DSG3: variants seen among roughly 807,000 people sequenced by gnomAD.
DSG3 encodes desmoglein 3.
DSG3 carries 63 observed loss-of-function variants against 85.9 expected under a neutral mutation model. The observed-to-expected ratio is 0.73, with a 90% CI of 0.60 to 0.90. The LOEUF (loss-of-function observed/expected upper bound fraction) is 0.90. Among genes scored for constraint, DSG3 ranks in the 40% least tolerant of loss-of-function variants. The pLI is 0.00. For missense variants in DSG3, 1,220 were observed against 1,219.9 expected (o/e 1.00, Z 0.00); for synonymous variants, 447 against 441.9 (o/e 1.01, Z -0.14).
At position 31,476,416 on chromosome 18, in the gene DSG3, C is replaced by A; in HGVS notation, c.*156C>A. On this transcript the variant is annotated 3_prime_UTR_variant, in exon 16 of 16. Transcript: ENST00000257189. ...CGATTATAAATTAAATGTTTGGGTT[C>A]ATACCCCAAAAGCAATATGTTGTCA... 1.2e-6 allele frequency: 1 copy of A among 824,626 alleles called. No homozygotes were observed. Among genetic ancestry groups the A allele is most frequent in the Non-Finnish European group, 1.8e-6 (1 of 563,016 alleles). 51.1% of individuals were successfully genotyped at this position (824,626 alleles called of 1,614,324 possible).
intron 1 of DSG3, among the ~76,000 whole-genome samples, 169 bp downstream of exon 1, chr18:31,448,094 T>TTTCG (rs141268501): frequency 6.6e-6 from 1 of 151,864 alleles, no homozygotes; most frequent in Non-Finnish European, 1.5e-5. Context: ...TTTTGTTGTT[T>TTTCG]TTTATGTTGT....
chr18:31,461,224 C>T lies in DSG3; in HGVS notation c.814-3C>T. ...TCTTTAATTCTGCTTCTCGCCTTTT[C>T]AGTATTCAGCACGTATTGAAGAAAA... On this transcript the variant is annotated splice_region_variant and splice_polypyrimidine_tract_variant and intron_variant, in intron 7 of 15. Transcript: ENST00000257189. 6.2e-7 allele frequency: 1 copy of T among 1,606,980 alleles called. No individual in the cohort carries two copies. Among genetic ancestry groups the T allele is most frequent in the Non-Finnish European group, 8.5e-7 (1 of 1,176,976 alleles).
intron 14 of DSG3, among the ~76,000 whole-genome samples, chr18:31,473,693 A>G (rs2072868954): frequency 6.6e-6 from 1 of 152,226 alleles, no homozygotes; most frequent in African/African-American, 2.4e-5. Flanking sequence ...CTCTTTAGGT[A>G]CCAAGACATG....
At chr18:31,464,902 C>G (rs541473341) in intron 9 of DSG3, among the ~76,000 whole-genome samples, 2 of 151,960 alleles carry the variant, frequency 1.3e-5, no homozygotes, top group Non-Finnish European at 2.9e-5. Flanking sequence ...TTTGGGAGGC[C>G]GAGGCAGATG....
At chr18:31,458,412 T>C (rs1178963202) in intron 3 of DSG3, 33 bp from the exon 4 acceptor site, 15 of 1,603,394 alleles carry the variant, frequency 9.4e-6, no homozygotes, top group Non-Finnish European at 1.3e-5. Context: ...TGAGTGATGG[T>C]CACCTCAACG....
In DSG3 at chr18:31,477,293, G is replaced by A. The variant is rs899358129; in HGVS notation, c.*1033G>A. On this transcript the variant is annotated 3_prime_UTR_variant, in exon 16 of 16. Coordinates refer to ENST00000257189, the MANE Select transcript of DSG3 (RefSeq NM_001944.3). Reference sequence around the variant, plus strand: ...TTTTACACTGAGCTCCTTCCTACACGTCTCAGTAACAGATCCTGTGTTAGT... The same window carrying A: ...TTTTACACTGAGCTCCTTCCTACACATCTCAGTAACAGATCCTGTGTTAGT... 2.6e-4 allele frequency: 39 copies of A among 152,264 alleles called. No individual in the cohort carries two copies. Among genetic ancestry groups the A allele is most frequent in the African/African-American group, 7.7e-4 (32 of 41,554 alleles). The allele number at this position is 152,264 out of a possible 1,614,324, so 9.4% of individuals were successfully genotyped here.
At chr18:31,457,967 T>C (rs186213351) in intron 3 of DSG3, among the ~76,000 whole-genome samples, 100 of 152,250 alleles carry the variant, frequency 6.6e-4, no homozygotes, top group Admixed American at 1.4e-3. Context: ...TTCACATTTT[T>C]CATGTTAAAA....
intron 2 of DSG3, 67 bp from the exon 3 acceptor site, chr18:31,456,926 G>A (rs2072745751): frequency 2.0e-6 from 3 of 1,533,946 alleles, no homozygotes; most frequent in Non-Finnish European, 2.6e-6. Context: ...CTAGGTGTCT[G>A]TAATCAATAT....
intron 15 of DSG3, 33 bp downstream of exon 15, chr18:31,474,437 T>C (rs1335520550): frequency 6.4e-7 from 1 of 1,571,104 alleles, no homozygotes; most frequent in South Asian, 1.2e-5. Context: ...GGCTTGATTA[T>C]CTTATTTACA....
At position 31,475,765 on chromosome 18, in the gene DSG3, T is replaced by C; in HGVS notation, c.2505T>C (p.Ser835=). The change falls in exon 16 of 16, where the codon AGT becomes AGC. Residue 835 remains serine (S), a synonymous_variant. Coordinates refer to ENST00000257189, the MANE Select transcript of DSG3 (RefSeq NM_001944.3). ...GSPVGSVGCC[S]FIADDLDDSF... ...CTGTGGGCTCCGTGGGTTGTTGCAG[T>C]TTTATTGCTGATGACCTGGATGACA... 1 of 1,614,112 alleles carries C rather than the reference T, an allele frequency of 6.2e-7. No individual in the cohort carries two copies. The highest frequency in any genetic ancestry group is 8.5e-7 in the Non-Finnish European group (1 of 1,180,014).
rs752004574 is a variant in DSG3, at chr18:31,476,012, C to A, written c.2752C>A (p.Pro918Thr). 1.9e-6 allele frequency: 3 copies of A among 1,614,220 alleles called. No homozygotes were observed. Among genetic ancestry groups the A allele is most frequent in the South Asian group, 2.2e-5 (2 of 91,082 alleles). The change falls in exon 16 of 16, where the codon CCA becomes ACA. Residue 918 changes from proline to threonine, a missense_variant. Coordinates refer to ENST00000257189, the MANE Select transcript of DSG3 (RefSeq NM_001944.3). ...SALSTSGSVQ[P>T]AVSIPDPLQH... ...TTTGTCCACCTCTGGGTCTGTCCAG[C>A]CAGCTGTTTCCATCCCTGACCCTCT...
intron 9 of DSG3, 70 bp downstream of exon 9, chr18:31,464,452 C>T: frequency 6.9e-7 from 1 of 1,454,288 alleles, no homozygotes; most frequent in Non-Finnish European, 9.3e-7. Flanking sequence ...CAACATAACA[C>T]ATAAACTATT....
intron 12 of DSG3, among the ~76,000 whole-genome samples, chr18:31,471,286 G>A (rs2144242393): frequency 6.6e-6 from 1 of 152,264 alleles, no homozygotes; most frequent in South Asian, 2.1e-4. Flanking sequence ...TAAAAAAATA[G>A]TATTAAGGAG....
chr18:31,461,459 C>T (rs754002632), intron 8 of DSG3, 47 bp downstream of exon 8: 1 of 1,416,228 alleles, frequency 7.1e-7, no homozygotes, highest in South Asian at 1.2e-5. Context: ...CTGTATTAAC[C>T]AAAATGATCA....
At position 31,460,922 on chromosome 18, in the gene DSG3, AG is replaced by A; in HGVS notation, c.775del (p.Asp259MetfsTer23). 6.2e-7 allele frequency: 1 copy of A among 1,604,674 alleles called. No homozygotes were observed. The highest frequency in any genetic ancestry group is 8.5e-7 in the Non-Finnish European group (1 of 1,177,472). On this transcript the variant is annotated frameshift_variant, in exon 7 of 16. Coordinates refer to ENST00000257189, the MANE Select transcript of DSG3 (RefSeq NM_001944.3). LOFTEE classifies it high-confidence loss of function. ...AATGTGAATGTAATATTAAAGTGAA[AG>A]ATGTCAACGATAACTTCCCAATGTT... ...TQCECNIKVK[D>X]VNDNFPMFRD...
intron 1 of DSG3, among the ~76,000 whole-genome samples, chr18:31,453,088 T>C (rs1181797928): frequency 6.6e-6 from 1 of 152,322 alleles, no homozygotes; most frequent in East Asian, 1.9e-4. Flanking sequence ...TTCAGAGTTT[T>C]TAAATTTTAA....
rs148820666 is a variant in DSG3, at chr18:31,476,018, G to A, written c.2758G>A (p.Val920Ile). 24 of 1,614,198 alleles carry A rather than the reference G, an allele frequency of 1.5e-5. No individual in the cohort carries two copies. The highest frequency in any genetic ancestry group is 1.9e-5 in the Non-Finnish European group (22 of 1,180,038). ...LSTSGSVQPAVSIPDPLQHGN... is the reference protein window; with the variant it reads ...LSTSGSVQPAISIPDPLQHGN... ...CACCTCTGGGTCTGTCCAGCCAGCT[G>A]TTTCCATCCCTGACCCTCTGCAGCA... is the stretch of plus-strand genomic sequence containing the variant. The change falls in exon 16 of 16, where the codon GTT becomes ATT. Residue 920 changes from valine to isoleucine, a missense_variant. Val to Ile is a conservative substitution (Grantham distance 29). Transcript: ENST00000257189.
intron 10 of DSG3, 134 bp from the exon 11 acceptor site, chr18:31,466,396 C>A: frequency 1.4e-6 from 1 of 737,332 alleles, no homozygotes; most frequent in Non-Finnish European, 2.2e-6. Context: ...ACTATTTTTA[C>A]TTCTGAGGAT....
intron 1 of DSG3, among the ~76,000 whole-genome samples, chr18:31,453,449 G>C (rs558150055): frequency 1.3e-5 from 2 of 152,066 alleles, no homozygotes; most frequent in African/African-American, 4.8e-5. Flanking sequence ...CTTGCTTTTT[G>C]TTTAATCTAG....
Sources: allele counts gnomAD v4.1 joint callset (sites outside exome capture counted in the v4.1 genomes callset), GRCh38; gene constraint gnomAD v4.1.1; transcripts MANE v1.5; gene names NCBI Gene and HGNC (gene_info 2026-07-23, HGNC 2026-07-21).